Variants in BCAS3 observed in about 807,000 individuals in gnomAD.
The protein encoded by BCAS3 is BCAS3 microtubule associated cell migration factor, also known as BCAS4/BCAS3 fusion.
Under a neutral mutation model 116.1 loss-of-function variants are expected in BCAS3, and 53 were observed. The ratio of observed to expected loss-of-function variants is 0.46; its 90% confidence interval spans 0.37 to 0.57. The LOEUF (loss-of-function observed/expected upper bound fraction) is 0.57. Ranked by LOEUF, BCAS3 falls within the 20% of genes least tolerant of loss-of-function variation. The pLI is 0.00. For synonymous variants in BCAS3, 391 were observed against 408.2 expected, an observed-to-expected ratio of 0.96 and a Z score of 0.51; for missense variants, 917 against 1,165.4, an observed-to-expected ratio of 0.79 and a Z score of 3.10.
chr17:61,365,539 G>C lies in BCAS3; in HGVS notation c.2426-2788G>C, dbSNP rs2143486564. ...AGTCGAGATGGCGTTTCACCATGTT[G>C]TCCAGGCTGGTCTCAAACTCTTGGC... is the stretch of plus-strand genomic sequence containing the variant. On this transcript the variant is annotated intron_variant, in intron 22 of 23. Transcript: ENST00000407086. This position sits in a 1 kb window ranked among gnomAD's most constrained non-coding sequence, Gnocchi z 4.6. 6.6e-6 allele frequency among the ~76,000 whole-genome samples: 1 copy of C among 152,252 alleles called. No individual in the cohort carries two copies. Among genetic ancestry groups the C allele is most frequent in the South Asian group, 2.1e-4 (1 of 4,818 alleles).
At chr17:61,252,868 T>G (rs937167503) in intron 22 of BCAS3, among the ~76,000 whole-genome samples, 1 of 142,822 alleles carries the variant, frequency 7.0e-6, no homozygotes, top group African/African-American at 2.6e-5. Context: ...TGTCCAGTAA[T>G]CTGTTCCTAT....
intron 9 of BCAS3, among the ~76,000 whole-genome samples, chr17:60,879,553 G>T (rs760875914): frequency 6.6e-6 from 1 of 152,130 alleles, no homozygotes; most frequent in Non-Finnish European, 1.5e-5. Flanking sequence ...TCCAAAACCC[G>T]TGTATGATTA....
rs982954020 is a variant in BCAS3 at position 61,247,144 on chromosome 17, C to T, written c.2426-121183C>T. On this transcript the variant is annotated intron_variant, in intron 22 of 23. Transcript: ENST00000407086. The stretch of plus-strand genomic sequence containing the variant: ...TGAATACATCAGACTTTTATTTACA[C>T]TCCAATTCCTACTCAATGTAAAGTT... Among the ~76,000 whole-genome samples, 10 of 152,286 alleles carry T rather than the reference C, an allele frequency of 6.6e-5. No homozygotes were observed. In the Middle Eastern group the frequency reaches 0.014, roughly 207 times the overall value.
chr17:60,742,690 C>T (rs2041681425), intron 5 of BCAS3, among the ~76,000 whole-genome samples: 1 of 151,766 alleles, frequency 6.6e-6, no homozygotes, highest in Non-Finnish European at 1.5e-5. Context: ...ACCTTGGCCT[C>T]CCAAAGTGTT....
At chr17:60,955,758 C>T (rs1361117352) in intron 14 of BCAS3, among the ~76,000 whole-genome samples, 1 of 152,126 alleles carries the variant, frequency 6.6e-6, no homozygotes, top group Admixed American at 6.5e-5. Context: ...GCCTTTTATG[C>T]TCTCGGCACA....
At chr17:61,086,990 A>G (rs1449486207) in intron 22 of BCAS3, 1 of 985,296 alleles carries the variant, frequency 1.0e-6, no homozygotes, top group East Asian at 1.1e-4. Flanking sequence ...GTGGAAAACA[A>G]CATCTAGGCT....
At chr17:60,738,407 G>A (rs187318190) in intron 5 of BCAS3, among the ~76,000 whole-genome samples, 94 of 152,276 alleles carry the variant, frequency 6.2e-4, no homozygotes, top group African/African-American at 2.2e-3. Context: ...AGTAAGCACC[G>A]ATTAAGTCTT....
chr17:60,952,068 G>T (rs1319866014), intron 14 of BCAS3, among the ~76,000 whole-genome samples: 2 of 151,966 alleles, frequency 1.3e-5, no homozygotes, highest in Non-Finnish European at 2.9e-5. Flanking sequence ...CACTGCACTT[G>T]GCTGGGTCTT....
At chr17:60,798,201 A>T (rs547551726) in intron 6 of BCAS3, among the ~76,000 whole-genome samples, 7 of 152,216 alleles carry the variant, frequency 4.6e-5, no homozygotes. Flanking sequence ...TGACATTAGG[A>T]TTCTCTTGGT....
Position 61,226,599 on chromosome 17 carries a change from A to G in BCAS3, c.2426-141728A>G, listed in dbSNP as rs1007248286. 2.0e-4 allele frequency among the ~76,000 whole-genome samples: 30 copies of G among 152,242 alleles called. No individual in the cohort carries two copies. Among genetic ancestry groups the G allele is most frequent in the African/African-American group, 7.2e-4 (30 of 41,462 alleles). ...TACTAGATCTTAGATTTTAAGGGTTAGAATTTTTTCAGGGTGATCTTTTTT... is the reference window on the plus strand; with the variant it reads ...TACTAGATCTTAGATTTTAAGGGTTGGAATTTTTTCAGGGTGATCTTTTTT... On this transcript the variant is annotated intron_variant, in intron 22 of 23. Transcript: ENST00000407086. This position sits in a 1 kb window ranked among gnomAD's most constrained non-coding sequence, Gnocchi z 6.0.
intron 13 of BCAS3, among the ~76,000 whole-genome samples, chr17:60,936,751 C>G (rs1195935395): frequency 8.6e-5 from 13 of 152,028 alleles, no homozygotes; most frequent in East Asian, 7.7e-4. Flanking sequence ...TGTAGATTCT[C>G]GATATTAGCC....
rs2067115175 is a variant in BCAS3, at chr17:61,037,343, T to A, written c.1763-546T>A. 6.6e-6 allele frequency among the ~76,000 whole-genome samples: 1 copy of A among 152,166 alleles called. No individual in the cohort carries two copies. Among genetic ancestry groups the A allele is most frequent in the Non-Finnish European group, 1.5e-5 (1 of 68,024 alleles). ...TATGAAGGATTTTACTATATTAGGA[T>A]TTGGGGCATAGTAGTATCATTCTTG... On this transcript the variant is annotated intron_variant, in intron 17 of 23. Coordinates refer to ENST00000407086, the MANE Select transcript of BCAS3 (RefSeq NM_017679.5). This position sits in a 1 kb window ranked among gnomAD's most constrained non-coding sequence, Gnocchi z 4.7.
intron 12 of BCAS3, among the ~76,000 whole-genome samples, chr17:60,913,517 T>A (rs929106638): frequency 6.6e-6 from 1 of 152,142 alleles, no homozygotes; most frequent in African/African-American, 2.4e-5. Context: ...GTAGTTCAGT[T>A]GGAGTACAGG....
intron 14 of BCAS3, among the ~76,000 whole-genome samples, chr17:60,954,185 T>C (rs2061000407): frequency 6.6e-6 from 1 of 152,180 alleles, no homozygotes; most frequent in Admixed American, 6.5e-5. Flanking sequence ...TATGTGTCCT[T>C]ATTTCTGGGG....
chr17:60,842,511 A>G (rs140136123), intron 7 of BCAS3, among the ~76,000 whole-genome samples: 14 of 151,766 alleles, frequency 9.2e-5, no homozygotes, highest in African/African-American at 3.4e-4. Context: ...TTTTTTTTCA[A>G]TTTTCTATTT....
At chr17:60,996,948 A>T (rs1440816929) in intron 15 of BCAS3, among the ~76,000 whole-genome samples, 2 of 152,196 alleles carry the variant, frequency 1.3e-5, no homozygotes, top group Admixed American at 1.3e-4. Context: ...AGTAATGTAG[A>T]AGTGTGATCC....
At chr17:61,340,112 G>T (rs2143220702) in intron 22 of BCAS3, among the ~76,000 whole-genome samples, 1 of 152,328 alleles carries the variant, frequency 6.6e-6, no homozygotes, top group South Asian at 2.1e-4. Flanking sequence ...AGCAGTTGTA[G>T]ACAGCAAGTC....
intron 14 of BCAS3, 96 bp from the exon 15 acceptor site, chr17:60,989,875 G>A (rs1344998728): frequency 1.5e-6 from 2 of 1,303,804 alleles, no homozygotes; most frequent in South Asian, 1.4e-5. Flanking sequence ...TGGTAATGAG[G>A]CAATCATTTA....
chr17:61,074,409 A>G (rs2071751559), intron 19 of BCAS3, among the ~76,000 whole-genome samples: 1 of 152,188 alleles, frequency 6.6e-6, no homozygotes, highest in African/African-American at 2.4e-5. Context: ...TCCTATTTGA[A>G]TGAAAAAGTA....
Sources: gnomAD v4.1 joint callset for allele counts (sites outside exome capture counted in the v4.1 genomes callset) on GRCh38, gnomAD v4.1.1 for gene constraint, Gnocchi (gnomAD v3.1) non-coding constraint, MANE v1.5 for transcripts, NCBI Gene and HGNC (gene_info 2026-07-23, HGNC 2026-07-21) for gene names.